The following PDE11A variants were observed in gnomAD, a reference collection of about 807,000 sequenced individuals.
The protein encoded by PDE11A is dual 3',5'-cyclic-AMP and -GMP phosphodiesterase 11A.
A neutral mutation model predicts 100.5 loss-of-function variants in PDE11A; 100 were observed. That is an observed-to-expected ratio of 1.00 (90% CI 0.85 to 1.18). PDE11A has a LOEUF of 1.18. Ranked by LOEUF, PDE11A falls within the 50% of genes most tolerant of loss-of-function variation. The pLI is 0.00. For missense variants in PDE11A, 1,141 were observed against 1,152.6 expected (o/e 0.99, Z 0.15); for synonymous variants, 381 against 420.8 (o/e 0.91, Z 1.16).
At chr2:177,684,118 T>A (rs1185947179) in intron 15 of PDE11A, among the ~76,000 whole-genome samples, 1 of 152,234 alleles carries the variant, frequency 6.6e-6, no homozygotes, top group African/African-American at 2.4e-5. Flanking sequence ...CATCTTTTTT[T>A]CAAATTATTA....
intron 5 of PDE11A, among the ~76,000 whole-genome samples, chr2:177,852,514 C>T (rs1441856907): frequency 6.6e-6 from 1 of 152,126 alleles, no homozygotes; most frequent in East Asian, 1.9e-4. Context: ...GCCTGTCTAT[C>T]CCTGGAGCCC....
chr2:178,002,429 C>A, intron 2 of PDE11A, among the ~76,000 whole-genome samples: 1 of 152,098 alleles, frequency 6.6e-6, no homozygotes, highest in Non-Finnish European at 1.5e-5. Context: ...TGGATATATA[C>A]CCAGTAATGG....
chr2:177,714,890 C>T (rs1217822200), intron 12 of PDE11A, among the ~76,000 whole-genome samples: 2 of 152,094 alleles, frequency 1.3e-5, no homozygotes, highest in Non-Finnish European at 2.9e-5. Flanking sequence ...CTTCCTGCAG[C>T]CTGACCCTGG....
At chr2:177,665,873 AAAT>A (rs1233683413) in intron 18 of PDE11A, among the ~76,000 whole-genome samples, 3 of 134,908 alleles carry the variant, frequency 2.2e-5, no homozygotes, top group Admixed American at 7.5e-5. Flanking sequence ...AAAAAAAAAA[AAAT>A]TATGTTTTCT....
In PDE11A at chr2:177,816,869, T is replaced by C; in HGVS notation, c.1697A>G (p.Gln566Arg). ...LGINNTIMYD[Q>R]VKKSWAKQSV... is the part of the protein sequence containing the mutation. ...CTGCTTGGCCCAGGACTTCTTCACTTGATCATACATAATTGTGTTGTTGAT... is the reference window on the plus strand; with the variant it reads ...CTGCTTGGCCCAGGACTTCTTCACTCGATCATACATAATTGTGTTGTTGAT... The change falls in exon 9 of 20, where the codon CAA (glutamine) becomes CGA (arginine). Residue 566 changes from glutamine to arginine, a missense_variant. Transcript: ENST00000286063. 1 of 1,611,028 alleles carries C rather than the reference T, an allele frequency of 6.2e-7. No individual in the cohort carries two copies. The highest frequency in any genetic ancestry group is 1.7e-4 in the Middle Eastern group (1 of 6,054).
rs557045029 is a variant in PDE11A at position 177,987,235 on chromosome 2, G to A, written c.1071+27067C>T. ...GGCAGAGGACTCTCTAACCCTTAAG[G>A]GGATGAAGAGGGAAAAGGGTAAAGA... On this transcript the variant is annotated intron_variant, in intron 2 of 19. Coordinates refer to ENST00000286063, the MANE Select transcript of PDE11A (RefSeq NM_016953.4). Among the ~76,000 whole-genome samples, 3 of 152,204 alleles carry A rather than the reference G, an allele frequency of 2.0e-5. No individual in the cohort carries two copies. The South Asian group carries it at 6.2e-4, about 32-fold the overall frequency.
At chr2:177,907,162 A>AT (rs1261333989) in intron 2 of PDE11A, among the ~76,000 whole-genome samples, 1 of 151,860 alleles carries the variant, frequency 6.6e-6, no homozygotes, top group Non-Finnish European at 1.5e-5. Context: ...AAGAATCTGA[A>AT]TTTTAAATCA....
At chr2:177,887,909 AC>A (rs746358812) in intron 4 of PDE11A, among the ~76,000 whole-genome samples, 10 of 152,100 alleles carry the variant, frequency 6.6e-5, no homozygotes, top group Non-Finnish European at 1.2e-4. Context: ...ATGGCCAACC[AC>A]TGAGACAAAC....
chr2:177,728,110 A>T lies in PDE11A; in HGVS notation c.1851T>A (p.Ser617=), dbSNP rs2081628114. 2 of 1,612,446 alleles carry T rather than the reference A, an allele frequency of 1.2e-6. No homozygotes were observed. Among genetic ancestry groups the T allele is most frequent in the Non-Finnish European group, 1.7e-6 (2 of 1,178,776 alleles). The change falls in exon 11 of 20, where the codon TCT becomes TCA. Residue 617 remains serine (S), a synonymous_variant. Transcript: ENST00000286063. ...AIDDIHFDDF[S]LDVDAMITAA... is the part of the protein sequence containing the mutation. ...CTGTGATCATGGCATCAACGTCGAG[A>T]GAAAAGTCATCAAAATGAATGTCAT...
At chr2:178,052,420 T>C (rs1054419180) in intron 1 of PDE11A, among the ~76,000 whole-genome samples, 5 of 152,116 alleles carry the variant, frequency 3.3e-5, no homozygotes, top group Non-Finnish European at 7.3e-5. Context: ...AGGAAAGATC[T>C]AAAATTGACC....
At chr2:177,898,684 C>T (rs1171063763) in intron 3 of PDE11A, among the ~76,000 whole-genome samples, 1 of 152,168 alleles carries the variant, frequency 6.6e-6, no homozygotes, top group Non-Finnish European at 1.5e-5. Flanking sequence ...TCTTACTCTT[C>T]TCACACAAGG....
chr2:178,066,320 C>T (rs1463909663), intron 1 of PDE11A, among the ~76,000 whole-genome samples: 2 of 152,166 alleles, frequency 1.3e-5, no homozygotes, highest in African/African-American at 2.4e-5. Context: ...GCTTCGTGAG[C>T]ATGTGACCAG....
chr2:178,001,810 G>A (rs1559038354), intron 2 of PDE11A, among the ~76,000 whole-genome samples: 3 of 152,158 alleles, frequency 2.0e-5, no homozygotes, highest in African/African-American at 7.2e-5. Flanking sequence ...TTACTGAATA[G>A]AGTATATGAA....
intron 2 of PDE11A, among the ~76,000 whole-genome samples, chr2:177,917,085 G>T (rs1012739004): frequency 1.3e-5 from 2 of 151,790 alleles, no homozygotes; most frequent in African/African-American, 4.8e-5. Context: ...CAACTTGAAG[G>T]TTCTTATACT....
intron 13 of PDE11A, among the ~76,000 whole-genome samples, chr2:177,707,584 C>A (rs924442852): frequency 2.6e-5 from 4 of 152,072 alleles, no homozygotes; most frequent in African/African-American, 7.2e-5. Context: ...TTGTTTTTTT[C>A]ATCCGCTTGG....
chr2:177,639,055 G>A (rs1385554472), intron 19 of PDE11A, among the ~76,000 whole-genome samples: 18 of 152,098 alleles, frequency 1.2e-4, no homozygotes, highest in Admixed American at 1.2e-3. Flanking sequence ...TAGACTCCTA[G>A]CTCTGCCTCC....
At chr2:177,810,937 A>G (rs904417482) in intron 9 of PDE11A, among the ~76,000 whole-genome samples, 7 of 152,082 alleles carry the variant, frequency 4.6e-5, no homozygotes, top group Non-Finnish European at 1.0e-4. Context: ...TCCTGATAGC[A>G]TATGCCTTTT....
At chr2:177,828,504 T>C (rs1347202794) in intron 6 of PDE11A, among the ~76,000 whole-genome samples, 1 of 152,150 alleles carries the variant, frequency 6.6e-6, no homozygotes, top group Non-Finnish European at 1.5e-5. Context: ...GAATAAATTA[T>C]ATGTTAGAAG....
intron 5 of PDE11A, among the ~76,000 whole-genome samples, chr2:177,845,391 C>T (rs367665038): frequency 0.065 from 9,457 of 145,826 alleles, 300 homozygotes; most frequent in South Asian, 0.091. Flanking sequence ...ACATCCCAGA[C>T]GGGGCAGCGG....
Sources: allele counts gnomAD v4.1 joint callset (sites outside exome capture counted in the v4.1 genomes callset), GRCh38; gene constraint gnomAD v4.1.1; transcripts MANE v1.5; gene names NCBI Gene and HGNC (gene_info 2026-07-23, HGNC 2026-07-21).